The following CHRM5 variants were observed in gnomAD, a reference collection of about 807,000 sequenced individuals.
The protein encoded by CHRM5 is muscarinic acetylcholine receptor M5.
A neutral mutation model predicts 39.0 loss-of-function variants in CHRM5; 18 were observed. That is an observed-to-expected ratio of 0.46 (90% CI 0.32 to 0.68). The LOEUF is 0.68. Ranked by LOEUF, CHRM5 falls within the 30% of genes least tolerant of loss-of-function variation. The probability of loss-of-function intolerance (pLI) is 0.04; values close to 1 mark genes in which losing one functional copy is unlikely to be tolerated. For missense variants in CHRM5, 515 were observed against 651.1 expected (o/e 0.79, Z 2.28); for synonymous variants, 241 against 246.3 (o/e 0.98, Z 0.20).
intron 2 of CHRM5, among the ~76,000 whole-genome samples, chr15:34,051,983 C>A (rs764995899): frequency 6.6e-6 from 1 of 152,184 alleles, no homozygotes; most frequent in Non-Finnish European, 1.5e-5. Flanking sequence ...GGACTCCTCC[C>A]TGACTCATTC....
At chr15:33,988,718 CA>C (rs879560949) in intron 1 of CHRM5, among the ~76,000 whole-genome samples, 15 of 152,136 alleles carry the variant, frequency 9.9e-5, no homozygotes, top group Non-Finnish European at 1.8e-4. Flanking sequence ...AGAATTATCG[CA>C]AAATTAAAAG....
At chr15:34,038,924 TCCGCCG>T in intron 1 of CHRM5, 1 of 718,286 alleles carries the variant, frequency 1.4e-6, no homozygotes, top group Non-Finnish European at 1.7e-6. Flanking sequence ...CGCCGCCGCC[TCCGCCG>T]CCGCCTCTGG....
chr15:33,996,781 AAC>A, intron 1 of CHRM5, among the ~76,000 whole-genome samples: 1 of 152,332 alleles, frequency 6.6e-6, no homozygotes, highest in South Asian at 2.1e-4. Flanking sequence ...AAATTCTAAA[AAC>A]CAGAGCGCCT....
chr15:33,977,450 T>C (rs910921968), intron 1 of CHRM5, among the ~76,000 whole-genome samples: 1 of 152,170 alleles, frequency 6.6e-6, no homozygotes, highest in Non-Finnish European at 1.5e-5. Flanking sequence ...TATAATGAAT[T>C]CCGGTTTCAA....
Position 34,030,431 on chromosome 15 carries a change from C to T in CHRM5, c.-407-16109C>T, listed in dbSNP as rs1480183732. ...CGCAATCTCGCTTCACTGCAAGCTC[C>T]GCCTCCCAGGTTCATGCCATTCTCC... On this transcript the variant is annotated intron_variant, in intron 1 of 2. Coordinates refer to ENST00000383263, the MANE Select transcript of CHRM5 (RefSeq NM_012125.4). Among the ~76,000 whole-genome samples the T allele has an allele frequency of 2.6e-5, 4 of 151,824 alleles. No individual in the cohort carries two copies. In the South Asian group the frequency reaches 6.2e-4, roughly 24 times the overall value.
chr15:34,037,325 T>A (rs1365937443), intron 1 of CHRM5, among the ~76,000 whole-genome samples: 1 of 151,944 alleles, frequency 6.6e-6, no homozygotes, highest in East Asian at 1.9e-4. Context: ...TTGTTCTCAA[T>A]AAAGTGGTAA....
At chr15:34,027,430 G>A (rs1197402109) in intron 1 of CHRM5, among the ~76,000 whole-genome samples, 4 of 151,920 alleles carry the variant, frequency 2.6e-5, no homozygotes, top group Middle Eastern at 3.2e-3. Context: ...ACAGGAGGCT[G>A]AGGCAGGAGA....
intron 1 of CHRM5, among the ~76,000 whole-genome samples, chr15:33,979,298 G>T (rs954697439): frequency 9.2e-5 from 14 of 152,170 alleles, no homozygotes; most frequent in African/African-American, 3.1e-4. Flanking sequence ...AAGGAGGAAG[G>T]ATTGCTTGAG....
At chr15:33,983,160 A>ATATATGTG (rs1555512751) in intron 1 of CHRM5, among the ~76,000 whole-genome samples, 3 of 64,536 alleles carry the variant, frequency 4.6e-5, no homozygotes, top group African/African-American at 2.5e-4. Context: ...GTGTGTGTGT[A>ATATATGTG]TGTGTGTGTG....
intron 1 of CHRM5, chr15:34,003,161 G>C: frequency 6.2e-7 from 1 of 1,613,668 alleles, no homozygotes; most frequent in South Asian, 1.1e-5. Flanking sequence ...TAATTTCCCT[G>C]TTCATCATTC....
chr15:34,061,308 T>C (rs1567493315), intron 2 of CHRM5, among the ~76,000 whole-genome samples: 2 of 152,160 alleles, frequency 1.3e-5, no homozygotes, highest in Non-Finnish European at 1.5e-5. Flanking sequence ...AAAGTTAAAA[T>C]TTGTCAACAG....
At chr15:34,060,256 G>C (rs1900290659) in intron 2 of CHRM5, among the ~76,000 whole-genome samples, 1 of 152,134 alleles carries the variant, frequency 6.6e-6, no homozygotes, top group African/African-American at 2.4e-5. Context: ...GAATGGAGAG[G>C]GACCAAAAAG....
At chr15:34,035,444 T>C (rs1164297291) in intron 1 of CHRM5, among the ~76,000 whole-genome samples, 1 of 152,096 alleles carries the variant, frequency 6.6e-6, no homozygotes, top group African/African-American at 2.4e-5. Context: ...CTTTTTCAAA[T>C]CTCAAAGTCA....
intron 1 of CHRM5, among the ~76,000 whole-genome samples, chr15:33,970,974 A>G (rs1219437821): frequency 6.6e-6 from 1 of 152,012 alleles, no homozygotes; most frequent in Non-Finnish European, 1.5e-5. Context: ...TTGCTCTATA[A>G]TAACCCATTC....
rs749287251 is a variant in CHRM5 at position 34,064,265 on chromosome 15, GA to G, written c.1554del (p.Val519TrpfsTer32). On this transcript the variant is annotated frameshift_variant, in exon 3 of 3. Transcript: ENST00000383263. LOFTEE classifies it high-confidence loss of function. ...TGCTGCTTCTCTGCCGATGGAAAAA[GA>G]AAAAAGTGGAAGAGAAGTTGTACTG... ...KMLLLCRWKKKKVEEKLYWQG... is the reference protein window; with the variant it reads ...KMLLLCRWKKXKVEEKLYWQG... 1 of 1,611,640 alleles carries G rather than the reference GA, an allele frequency of 6.2e-7. No homozygotes were observed. The highest frequency in any genetic ancestry group is 8.5e-7 in the Non-Finnish European group (1 of 1,179,392).
chr15:33,998,815 C>T (rs1322852555), intron 1 of CHRM5, among the ~76,000 whole-genome samples: 2 of 152,202 alleles, frequency 1.3e-5, no homozygotes, highest in South Asian at 4.1e-4. Flanking sequence ...TTGCTGGTCT[C>T]TTCTCTTTCC....
intron 1 of CHRM5, among the ~76,000 whole-genome samples, chr15:34,043,503 G>C (rs1465188064): frequency 6.6e-6 from 1 of 152,146 alleles, no homozygotes; most frequent in African/African-American, 2.4e-5. Context: ...TTACTATGTT[G>C]TTTTGAACAG....
intron 1 of CHRM5, among the ~76,000 whole-genome samples, chr15:34,000,534 C>G (rs976310626): frequency 6.6e-6 from 1 of 152,128 alleles, no homozygotes; most frequent in Non-Finnish European, 1.5e-5. Context: ...CCTAAGGAAC[C>G]AACAATATTT....
At chr15:33,992,204 G>A (rs893078326) in intron 1 of CHRM5, among the ~76,000 whole-genome samples, 5 of 152,178 alleles carry the variant, frequency 3.3e-5, no homozygotes, top group African/African-American at 7.2e-5. Context: ...TGGCTAACAA[G>A]GTGAAACCCC....
Sources: allele counts gnomAD v4.1 joint callset (sites outside exome capture counted in the v4.1 genomes callset), GRCh38; gene constraint gnomAD v4.1.1; transcripts MANE v1.5; gene names NCBI Gene and HGNC (gene_info 2026-07-23, HGNC 2026-07-21).